The following THRB variants were observed in gnomAD, a reference collection of about 807,000 sequenced individuals.
THRB encodes the protein thyroid hormone receptor beta.
THRB carries 12 observed loss-of-function variants against 47.8 expected under a neutral mutation model. The ratio of observed to expected loss-of-function variants is 0.25; its 90% CI spans 0.16 to 0.41. The LOEUF (loss-of-function observed/expected upper bound fraction) is 0.41, where lower values mean the gene tolerates loss of function less well. Ranked by LOEUF, THRB falls within the 10% of genes least tolerant of loss-of-function variation. THRB has a pLI of 1.00. For synonymous variants in THRB, 218 were observed against 212.2 expected (o/e 1.03, Z -0.24); for missense variants, 348 against 589.2 (o/e 0.59, Z 4.24).
rs75535930 is a variant in THRB, at chr3:24,292,327, G to A, written c.-43+4899C>T. Among the ~76,000 whole-genome samples the A allele has an allele frequency of 3.4e-3, 518 of 152,214 alleles. 15 individuals carry two copies. The East Asian group carries it at 0.05, about 15-fold the overall frequency. ...TTATTACTATTTTTACCATAAACAT[G>A]GATTGCTTTTACTAAAATGCTTTTT... On this transcript the variant is annotated intron_variant, in intron 3 of 10. Coordinates refer to ENST00000646209, the MANE Select transcript of THRB (RefSeq NM_001354712.2).
intron 1 of THRB, among the ~76,000 whole-genome samples, chr3:24,419,573 T>C (rs890069279): frequency 2.0e-5 from 3 of 151,934 alleles, no homozygotes; most frequent in East Asian, 1.9e-4. Context: ...CAAGGTTATC[T>C]AAAGTTAAAA....
At chr3:24,144,112 A>C in intron 7 of THRB, 1 of 221,884 alleles carries the variant, frequency 4.5e-6, no homozygotes, top group Non-Finnish European at 9.1e-6. Context: ...CTTCCCCTAA[A>C]ACGGCTCTTA....
At chr3:24,480,000 C>G (rs1221814507) in intron 1 of THRB, among the ~76,000 whole-genome samples, 1 of 152,204 alleles carries the variant, frequency 6.6e-6, no homozygotes, top group African/African-American at 2.4e-5. Flanking sequence ...GGGTCAACCA[C>G]AAGACAAGCA....
At chr3:24,128,054 C>T (rs1559402653) in intron 9 of THRB, among the ~76,000 whole-genome samples, 1 of 152,194 alleles carries the variant, frequency 6.6e-6, no homozygotes, top group Admixed American at 6.5e-5. Flanking sequence ...CTAATAACCC[C>T]TCAGTTTGGG....
chr3:24,199,169 C>T (rs1158568031), intron 4 of THRB, among the ~76,000 whole-genome samples: 1 of 152,208 alleles, frequency 6.6e-6, no homozygotes, highest in East Asian at 1.9e-4. Context: ...TATCCCTAAT[C>T]AGGGTGCACT....
At chr3:24,133,182 G>C (rs1310792395) in intron 9 of THRB, 134 bp downstream of exon 9, 1 of 977,494 alleles carries the variant, frequency 1.0e-6, no homozygotes, top group Non-Finnish European at 1.6e-6. Flanking sequence ...ATGCATTTTC[G>C]TTTTGTACTG....
At chr3:24,279,883 C>T (rs774201364) in intron 3 of THRB, among the ~76,000 whole-genome samples, 27 of 152,148 alleles carry the variant, frequency 1.8e-4, no homozygotes, top group Non-Finnish European at 3.4e-4. Flanking sequence ...GGACCATGGT[C>T]CCCAAAGGTC....
intron 1 of THRB, among the ~76,000 whole-genome samples, chr3:24,488,484 A>G (rs1169220292): frequency 6.6e-6 from 1 of 152,240 alleles, no homozygotes; most frequent in African/African-American, 2.4e-5. Flanking sequence ...GCAGATCAGC[A>G]AGACAAACGT....
chr3:24,216,442 C>CA (rs929115083), intron 4 of THRB, among the ~76,000 whole-genome samples: 14 of 151,926 alleles, frequency 9.2e-5, no homozygotes, highest in African/African-American at 3.4e-4. Context: ...TGTCTCTACT[C>CA]AAAAAAATAC....
chr3:24,179,504 A>G (rs2041621469), intron 5 of THRB, among the ~76,000 whole-genome samples: 1 of 152,212 alleles, frequency 6.6e-6, no homozygotes, highest in African/African-American at 2.4e-5. Flanking sequence ...GGGTATGGGA[A>G]TTATTTGCAC....
chr3:24,190,492 T>G (rs2043195146), intron 4 of THRB, among the ~76,000 whole-genome samples, 158 bp from the exon 5 acceptor site: 1 of 151,924 alleles, frequency 6.6e-6, no homozygotes. Flanking sequence ...TTTGTCAGCC[T>G]TGGGCATTTA....
intron 3 of THRB, among the ~76,000 whole-genome samples, chr3:24,238,987 G>C (rs915402794): frequency 2.0e-5 from 3 of 151,356 alleles, no homozygotes; most frequent in African/African-American, 7.3e-5. Context: ...TGTCACCCAG[G>C]CTGGAGTGCA....
chr3:24,387,010 T>G (rs2066174545), intron 1 of THRB, among the ~76,000 whole-genome samples: 1 of 152,178 alleles, frequency 6.6e-6, no homozygotes, highest in South Asian at 2.1e-4. Flanking sequence ...AAGATTTTTC[T>G]GCCACATCAA....
chr3:24,261,568 T>G (rs914841276), intron 3 of THRB, among the ~76,000 whole-genome samples: 2 of 151,848 alleles, frequency 1.3e-5, no homozygotes, highest in Non-Finnish European at 2.9e-5. Context: ...TCCACTCCAT[T>G]TCCCTGCTCC....
intron 2 of THRB, among the ~76,000 whole-genome samples, chr3:24,324,007 T>G (rs1343564972): frequency 6.6e-6 from 1 of 152,192 alleles, no homozygotes; most frequent in Non-Finnish European, 1.5e-5. Flanking sequence ...GCTTCCACCT[T>G]GGTCTGAACA....
intron 5 of THRB, among the ~76,000 whole-genome samples, chr3:24,180,566 G>A (rs2041766163): frequency 6.6e-6 from 1 of 152,170 alleles, no homozygotes; most frequent in Non-Finnish European, 1.5e-5. Context: ...AATAGCTCTG[G>A]ACCTTGGAGA....
chr3:24,374,459 T>C (rs541965987), intron 1 of THRB, among the ~76,000 whole-genome samples: 16 of 152,314 alleles, frequency 1.1e-4, no homozygotes, highest in African/African-American at 2.9e-4. Flanking sequence ...TGTTTGCTTA[T>C]GTACGTGTAT....
At chr3:24,305,698 T>C (rs1426206709) in intron 2 of THRB, among the ~76,000 whole-genome samples, 1 of 152,234 alleles carries the variant, frequency 6.6e-6, no homozygotes, top group African/African-American at 2.4e-5. Context: ...ACACCACAAA[T>C]TTCAGGCATT....
At chr3:24,372,629 C>G (rs1048639594) in intron 1 of THRB, among the ~76,000 whole-genome samples, 1 of 152,078 alleles carries the variant, frequency 6.6e-6, no homozygotes, top group African/African-American at 2.4e-5. Flanking sequence ...AGATCAACAG[C>G]TCATTTCAGT....
Sources: gnomAD v4.1 joint callset for allele counts (sites outside exome capture counted in the v4.1 genomes callset) on GRCh38, gnomAD v4.1.1 for gene constraint, MANE v1.5 for transcripts, NCBI Gene and HGNC (gene_info 2026-07-23, HGNC 2026-07-21) for gene names.